The following C13orf42 variants were observed in gnomAD, a reference collection of about 807,000 sequenced individuals.
The protein encoded by C13orf42 is chromosome 13 open reading frame 42.
chr13:51,110,265 A>G (rs1284908757), intron 1 of C13orf42, among the ~76,000 whole-genome samples: 1 of 152,232 alleles, frequency 6.6e-6, no homozygotes, highest in Non-Finnish European at 1.5e-5. Flanking sequence ...AATTTGTTGA[A>G]AAATGATTTG....
chr13:51,153,266 T>A (rs1445731791), intron 1 of C13orf42, among the ~76,000 whole-genome samples: 3 of 152,052 alleles, frequency 2.0e-5, no homozygotes, highest in African/African-American at 7.2e-5. Flanking sequence ...AGGGTCCTGC[T>A]GAGCAACCAC....
intron 1 of C13orf42, among the ~76,000 whole-genome samples, chr13:51,147,137 T>G (rs1953741745): frequency 6.6e-6 from 1 of 152,242 alleles, no homozygotes; most frequent in Non-Finnish European, 1.5e-5. Flanking sequence ...CCCTCCCAGG[T>G]ACTCTGCTGG....
chr13:51,122,265 G>A (rs969350545), intron 1 of C13orf42, among the ~76,000 whole-genome samples: 1 of 151,984 alleles, frequency 6.6e-6, no homozygotes, highest in African/African-American at 2.4e-5. Flanking sequence ...TGGGCACAGT[G>A]GCTCACGCCT....
chr13:51,160,415 C>A (rs1030569480), intron 1 of C13orf42, among the ~76,000 whole-genome samples: 2 of 152,222 alleles, frequency 1.3e-5, no homozygotes, highest in Non-Finnish European at 2.9e-5. Context: ...GAGGCTGAGG[C>A]AGGAGAGTCA....
intron 1 of C13orf42, among the ~76,000 whole-genome samples, chr13:51,139,183 C>T (rs141958049): frequency 0.041 from 6,246 of 152,054 alleles, 136 homozygotes; most frequent in Non-Finnish European, 0.056. Context: ...GGCATGGTGG[C>T]GCACACCTGT....
chr13:51,134,002 C>T (rs1048727423), intron 1 of C13orf42, among the ~76,000 whole-genome samples: 5 of 152,290 alleles, frequency 3.3e-5, no homozygotes, highest in South Asian at 2.1e-4. Flanking sequence ...ATCCTGTGCA[C>T]GCTCACACCA....
intron 1 of C13orf42, among the ~76,000 whole-genome samples, chr13:51,153,462 C>G (rs1049308508): frequency 1.3e-5 from 2 of 150,950 alleles, no homozygotes; most frequent in South Asian, 2.1e-4. Context: ...GAGAGAGAGA[C>G]AGAGATAGAG....
intron 1 of C13orf42, among the ~76,000 whole-genome samples, chr13:51,136,871 G>A (rs1469952655): frequency 3.3e-5 from 5 of 152,314 alleles, no homozygotes; most frequent in African/African-American, 7.2e-5. Context: ...GCCAAGCACC[G>A]GGAATATAGC....
At chr13:51,147,343 G>C (rs1232650344) in intron 1 of C13orf42, among the ~76,000 whole-genome samples, 1 of 152,220 alleles carries the variant, frequency 6.6e-6, no homozygotes, top group East Asian at 1.9e-4. Context: ...GCCTGTGAGA[G>C]AAGGGGCAGG....
At chr13:51,111,879 C>A (rs1234586826), upstream of C13orf42, among the ~76,000 whole-genome samples, 5 of 41,284 alleles carry the variant, frequency 1.2e-4, no homozygotes, top group African/African-American at 1.4e-3. Context: ...AGAGCCTCGC[C>A]CTGCGGTAAT....
At chr13:51,155,324 CAAGT>C (rs1953816301) in intron 1 of C13orf42, among the ~76,000 whole-genome samples, 1 of 152,116 alleles carries the variant, frequency 6.6e-6, no homozygotes, top group Non-Finnish European at 1.5e-5. Flanking sequence ...GGCTAAGATA[CAAGT>C]AAGTCCATGG....
At position 51,147,742 on chromosome 13, in the gene C13orf42, G is replaced by A. The variant is rs7400034; in HGVS notation, n.136+24511C>T. ...AGACTGTGTCTCAAAAAAAAACAAC[G>A]AAGGGGTGGATTTGGTCCAGGTCTT... On this transcript the variant is annotated intron_variant and non_coding_transcript_variant, in intron 1 of 4. Coordinates refer to the C13orf42 transcript ENST00000433280. 2.0e-5 allele frequency among the ~76,000 whole-genome samples: 3 copies of A among 151,488 alleles called. No homozygotes were observed. In the East Asian group the frequency reaches 5.9e-4, roughly 30 times the overall value.
intron 1 of C13orf42, among the ~76,000 whole-genome samples, chr13:51,165,520 A>G (rs1022297595): frequency 7.4e-5 from 11 of 149,622 alleles, no homozygotes; most frequent in Admixed American, 1.4e-4. Flanking sequence ...TTTGGGAAGA[A>G]GAGCCGGAGC....
At chr13:51,099,825 C>T (rs1953268558) in intron 1 of C13orf42, among the ~76,000 whole-genome samples, 2 of 152,152 alleles carry the variant, frequency 1.3e-5, no homozygotes. Context: ...AAAGCCATTA[C>T]TTATTTTGTT....
At chr13:51,157,264 TC>T (rs1318195107) in intron 1 of C13orf42, among the ~76,000 whole-genome samples, 1 of 152,048 alleles carries the variant, frequency 6.6e-6, no homozygotes, top group Non-Finnish European at 1.5e-5. Flanking sequence ...TGAAACCCCA[TC>T]CCTACTAAAA....
intron 1 of C13orf42, among the ~76,000 whole-genome samples, chr13:51,132,442 A>T (rs1219828161): frequency 6.6e-6 from 1 of 152,168 alleles, no homozygotes; most frequent in Non-Finnish European, 1.5e-5. Flanking sequence ...AAACAAAAAA[A>T]AAAAAGCAGG....
intron 1 of C13orf42, among the ~76,000 whole-genome samples, chr13:51,103,592 T>C (rs1953316144): frequency 6.6e-6 from 1 of 151,938 alleles, no homozygotes; most frequent in Non-Finnish European, 1.5e-5. Context: ...TCCCAGCTAT[T>C]CAGGAGGCTG....
At chr13:51,135,855 T>C (rs554879637) in intron 1 of C13orf42, among the ~76,000 whole-genome samples, 2 of 152,108 alleles carry the variant, frequency 1.3e-5, no homozygotes, top group African/African-American at 2.4e-5. Context: ...TGGCATTTCC[T>C]CTCTGTATCA....
intron 2 of C13orf42, among the ~76,000 whole-genome samples, chr13:51,086,426 T>C (rs1254912737): frequency 1.3e-5 from 2 of 152,100 alleles, no homozygotes; most frequent in East Asian, 1.9e-4. Context: ...CCTAGTTTTA[T>C]GGCAAAAAAA....
Sources: gnomAD v4.1 joint callset for allele counts (sites outside exome capture counted in the v4.1 genomes callset) on GRCh38, gnomAD v4.1.1 for gene constraint, MANE v1.5 for transcripts, NCBI Gene and HGNC (gene_info 2026-07-23, HGNC 2026-07-21) for gene names.